IDO1: variants seen among roughly 807,000 people sequenced by gnomAD.
The protein encoded by IDO1 is indoleamine 2,3-dioxygenase 1, also known as indolamine 2,3 dioxygenase.
A neutral mutation model predicts 38.8 loss-of-function variants in IDO1; 35 were observed. The ratio of observed to expected loss-of-function variants is 0.90; its 90% CI spans 0.69 to 1.20. The LOEUF is 1.20. Among genes scored for constraint, IDO1 ranks in the 50% most tolerant of loss-of-function variants. The pLI, the probability that IDO1 is intolerant of heterozygous loss-of-function variation, is 0.00. For missense variants in IDO1, 509 were observed against 485.1 expected, an observed-to-expected ratio of 1.05 and a Z score of -0.46; for synonymous variants, 171 against 170.0, an observed-to-expected ratio of 1.01 and a Z score of -0.05.
At chr8:39,923,618 C>A in intron 7 of IDO1, 32 bp downstream of exon 7, 1 of 1,273,540 alleles carries the variant, frequency 7.9e-7, no homozygotes, top group Non-Finnish European at 1.1e-6. Flanking sequence ...ATAGTCTAGG[C>A]TGACAAGTCA....
chr8:39,926,001 C>G (rs977733386), intron 9 of IDO1, among the ~76,000 whole-genome samples: 16 of 151,804 alleles, frequency 1.1e-4, no homozygotes, highest in Non-Finnish European at 1.9e-4. Context: ...TCCTGGCTAA[C>G]ACGGTGAAAC....
intron 5 of IDO1, among the ~76,000 whole-genome samples, chr8:39,920,460 A>G (rs1386496328): frequency 6.6e-6 from 1 of 152,260 alleles, no homozygotes. Flanking sequence ...ATAAGTAACC[A>G]TATACCAACT....
intron 6 of IDO1, 132 bp downstream of exon 6, chr8:39,922,783 G>A (rs1807294684): frequency 3.0e-6 from 2 of 663,082 alleles, no homozygotes; most frequent in Non-Finnish European, 5.4e-6. Flanking sequence ...TTTAATTGGG[G>A]GTAAAGGATC....
intron 7 of IDO1, among the ~76,000 whole-genome samples, chr8:39,924,227 G>A (rs1312360723): frequency 2.6e-5 from 4 of 152,056 alleles, no homozygotes; most frequent in African/African-American, 9.7e-5. Context: ...GAGACTGAGT[G>A]CGGTGGCTCA....
In IDO1 at chr8:39,918,143, G is replaced by A. The variant is rs752486286; in HGVS notation, c.239G>A (p.Arg80His). 1.2e-5 allele frequency: 20 copies of A among 1,613,806 alleles called. No individual in the cohort carries two copies. The East Asian group carries it at 2.0e-4, about 16-fold the overall frequency. ...GACCACAAGTCACAGCGCCTTGCAC[G>A]TCTAGTTCTGGGATGCATCACCATG... ...LTDHKSQRLA[R>H]LVLGCITMAY... is the part of the protein sequence containing the mutation. The change falls in exon 3 of 10, where the codon CGT becomes CAT. Residue 80 changes from arginine (R) to histidine (H), a missense_variant. Transcript: ENST00000518237.
intron 1 of IDO1, among the ~76,000 whole-genome samples, chr8:39,917,641 T>G (rs1310120550): frequency 6.6e-6 from 1 of 152,220 alleles, no homozygotes. Flanking sequence ...TGAGGTGAAC[T>G]TTGAAAAGCT....
intron 6 of IDO1, 128 bp downstream of exon 6, chr8:39,922,779 T>C: frequency 1.5e-6 from 1 of 689,184 alleles, no homozygotes. Flanking sequence ...ATCATTTAAT[T>C]GGGGGTAAAG....
At chr8:39,918,018 T>C in intron 2 of IDO1, 48 bp downstream of exon 2, 1 of 1,611,218 alleles carries the variant, frequency 6.2e-7, no homozygotes, top group South Asian at 1.1e-5. Context: ...TTCTTAACAT[T>C]GTTAACTTGG....
intron 9 of IDO1, among the ~76,000 whole-genome samples, chr8:39,926,925 T>C (rs1479948170): frequency 6.6e-6 from 1 of 152,226 alleles, no homozygotes; most frequent in Non-Finnish European, 1.5e-5. Context: ...CTCCCACTTA[T>C]CGGTGAGAAC....
rs376530940 is a variant in IDO1, at chr8:39,923,569, T to G, written c.638T>G (p.Val213Gly). 6 of 1,607,802 alleles carry G rather than the reference T, an allele frequency of 3.7e-6. No individual in the cohort carries two copies. In the African/African-American group the frequency reaches 5.3e-5, roughly 14 times the overall value. ...IASCLEKALQ[V>G]FHQIHDHVNP... ...TCTTGCTTGGAGAAAGCCCTTCAAG[T>G]GTTTCACCAAATCCACGGCAAGTGT... The change falls in exon 7 of 10, where the codon GTG (valine) becomes GGG (glycine). Residue 213 changes from valine (V) to glycine (G), a missense_variant. Transcript: ENST00000518237.
intron 1 of IDO1, among the ~76,000 whole-genome samples, chr8:39,916,472 T>G (rs1200926110): frequency 1.3e-5 from 2 of 152,040 alleles, no homozygotes; most frequent in African/African-American, 2.4e-5. Flanking sequence ...AGTGAGGCCC[T>G]GTCTGAAAAC....
At position 39,924,748 on chromosome 8, in the gene IDO1, G is replaced by A; in HGVS notation, c.683G>A (p.Ser228Asn). The A allele has an allele frequency of 6.2e-7, 1 of 1,610,604 alleles. No homozygotes were observed. The highest frequency in any genetic ancestry group is 8.5e-7 in the Non-Finnish European group (1 of 1,177,386). The change falls in exon 8 of 10, where the codon AGT becomes AAT. Residue 228 changes from serine to asparagine, a missense_variant. Transcript: ENST00000518237. Reference sequence around the variant, plus strand: ...CATGTGAACCCAAAAGCATTTTTCAGTGTTCTTCGCATATATTTGTCTGGG... The same window carrying A: ...CATGTGAACCCAAAAGCATTTTTCAATGTTCTTCGCATATATTTGTCTGGG... ...HDHVNPKAFF[S>N]VLRIYLSGWK...
intron 5 of IDO1, among the ~76,000 whole-genome samples, chr8:39,920,339 T>C (rs1018599018): frequency 3.3e-5 from 5 of 152,338 alleles, no homozygotes; most frequent in Admixed American, 3.3e-4. Context: ...TATACAAGAA[T>C]ACTACTCAAA....
intron 1 of IDO1, chr8:39,915,852 T>A (rs1015114086): frequency 2.6e-5 from 4 of 152,044 alleles, no homozygotes; most frequent in African/African-American, 9.7e-5. Context: ...CAAACGAAAC[T>A]CTTCCTTAGC....
At chr8:39,918,693 C>A (rs1807217792) in intron 3 of IDO1, 122 bp from the exon 4 acceptor site, 2 of 598,700 alleles carry the variant, frequency 3.3e-6, no homozygotes, top group South Asian at 4.0e-5. Flanking sequence ...TTGCAGTGAG[C>A]CGAGATCCTG....
chr8:39,922,469 A>T, intron 5 of IDO1, 83 bp from the exon 6 acceptor site: 1 of 864,410 alleles, frequency 1.2e-6, no homozygotes, highest in Non-Finnish European at 1.9e-6. Flanking sequence ...TTATGTTGAA[A>T]CTAAAATAGC....
chr8:39,918,064 G>A (rs146112085), intron 2 of IDO1, 24 bp from the exon 3 acceptor site: 1 of 1,613,518 alleles, frequency 6.2e-7, no homozygotes, highest in East Asian at 2.2e-5. Flanking sequence ...ATTGATTTGA[G>A]TCAATTGCTC....
chr8:39,923,670 AG>A (rs1807314525), intron 7 of IDO1, 84 bp downstream of exon 7: 1 of 717,816 alleles, frequency 1.4e-6, no homozygotes, highest in Non-Finnish European at 2.4e-6. Context: ...GGAAGCAAAA[AG>A]CAACTATCAC....
At chr8:39,922,833 CAG>C (rs1807295379) in intron 6 of IDO1, 182 bp downstream of exon 6, 1 of 603,366 alleles carries the variant, frequency 1.7e-6, no homozygotes, top group South Asian at 2.0e-5. Context: ...TATAAAATCT[CAG>C]AGCCATATAC....
Sources: allele counts gnomAD v4.1 joint callset (sites outside exome capture counted in the v4.1 genomes callset), GRCh38; gene constraint gnomAD v4.1.1; transcripts MANE v1.5; gene names NCBI Gene and HGNC (gene_info 2026-07-23, HGNC 2026-07-21).